PAPSS1: variants seen among roughly 807,000 people sequenced by gnomAD.
PAPSS1 encodes the protein 3'-phosphoadenosine 5'-phosphosulfate synthase 1.
PAPSS1 carries 50 observed loss-of-function variants against 72.0 expected under a neutral mutation model. That is an observed-to-expected ratio of 0.69 (90% CI 0.55 to 0.88). The LOEUF (loss-of-function observed/expected upper bound fraction) is 0.88. Ranked by LOEUF, PAPSS1 falls within the 40% of genes least tolerant of loss-of-function variation. The pLI is 0.00. For synonymous variants in PAPSS1, 261 were observed against 263.6 expected (o/e 0.99, Z 0.09); for missense variants, 657 against 782.2 (o/e 0.84, Z 1.91).
chr4:107,663,654 T>C (rs1029326679), intron 5 of PAPSS1, among the ~76,000 whole-genome samples: 3 of 152,196 alleles, frequency 2.0e-5, no homozygotes, highest in South Asian at 2.1e-4. Flanking sequence ...TGTCTTTCAA[T>C]GGACTTAACA....
intron 4 of PAPSS1, among the ~76,000 whole-genome samples, chr4:107,684,058 T>C (rs1180960508): frequency 6.6e-6 from 1 of 152,032 alleles, no homozygotes; most frequent in African/African-American, 2.4e-5. Flanking sequence ...AGTCAACAGT[T>C]GAGAAAGTAA....
intron 9 of PAPSS1, among the ~76,000 whole-genome samples, chr4:107,652,396 C>T (rs1726863587): frequency 6.6e-6 from 1 of 152,144 alleles, no homozygotes; most frequent in Non-Finnish European, 1.5e-5. Context: ...GTAAGCACAT[C>T]ATTTACCCAC....
intron 5 of PAPSS1, among the ~76,000 whole-genome samples, chr4:107,665,045 C>T (rs1026265640): frequency 7.2e-5 from 11 of 152,066 alleles, no homozygotes; most frequent in East Asian, 3.9e-4. Flanking sequence ...AATAAACATT[C>T]GAAAGGTTGC....
intron 11 of PAPSS1, 66 bp from the exon 12 acceptor site, chr4:107,614,453 T>C (rs948456279): frequency 1.4e-5 from 17 of 1,236,538 alleles, no homozygotes; most frequent in Non-Finnish European, 1.6e-5. Flanking sequence ...AAAAAGCATT[T>C]GTTCCTTCTG....
intron 4 of PAPSS1, among the ~76,000 whole-genome samples, chr4:107,683,894 A>C (rs183560796): frequency 3.8e-4 from 58 of 152,206 alleles, no homozygotes; most frequent in Middle Eastern, 3.4e-3. Context: ...AAAGCTTTTT[A>C]AAAAAATAAG....
intron 10 of PAPSS1, among the ~76,000 whole-genome samples, chr4:107,643,474 C>T (rs1256973621): frequency 2.0e-5 from 3 of 152,182 alleles, no homozygotes; most frequent in African/African-American, 7.2e-5. Context: ...AACTGTAGCT[C>T]GACCTCCCTC....
At chr4:107,626,839 T>C (rs1726113004) in intron 11 of PAPSS1, among the ~76,000 whole-genome samples, 1 of 152,198 alleles carries the variant, frequency 6.6e-6, no homozygotes, top group Non-Finnish European at 1.5e-5. Flanking sequence ...ACCATCAACT[T>C]AATTATTTTT....
intron 9 of PAPSS1, among the ~76,000 whole-genome samples, chr4:107,645,318 A>T (rs2110312118): frequency 6.6e-6 from 1 of 152,238 alleles, no homozygotes; most frequent in East Asian, 1.9e-4. Flanking sequence ...TATAACAATC[A>T]TGGATTTATA....
intron 10 of PAPSS1, among the ~76,000 whole-genome samples, chr4:107,633,769 A>G (rs1032231554): frequency 1.3e-5 from 2 of 151,964 alleles, no homozygotes; most frequent in Admixed American, 1.3e-4. Flanking sequence ...AATACAAAAA[A>G]TTAGCCGGGT....
intron 5 of PAPSS1, among the ~76,000 whole-genome samples, chr4:107,675,080 A>G (rs925738450): frequency 6.6e-5 from 10 of 152,226 alleles, no homozygotes; most frequent in Non-Finnish European, 1.5e-4. Flanking sequence ...AAGGAAAAGC[A>G]GGAAAGATCT....
At chr4:107,630,211 T>A (rs958255331) in intron 11 of PAPSS1, among the ~76,000 whole-genome samples, 1 of 152,238 alleles carries the variant, frequency 6.6e-6, no homozygotes, top group Non-Finnish European at 1.5e-5. Context: ...GAGCTTATGT[T>A]AAGAAATAAA....
chr4:107,671,727 T>C (rs975088516), intron 5 of PAPSS1, among the ~76,000 whole-genome samples: 3 of 151,926 alleles, frequency 2.0e-5, no homozygotes, highest in Non-Finnish European at 4.4e-5. Context: ...AGCATTTGCA[T>C]ACAATCTACA....
At chr4:107,619,327 A>G in intron 11 of PAPSS1, among the ~76,000 whole-genome samples, 1 of 152,166 alleles carries the variant, frequency 6.6e-6, no homozygotes, top group East Asian at 1.9e-4. Flanking sequence ...TGCATGCCAC[A>G]AGCATTTCTT....
chr4:107,649,224 G>A (rs2110314891), intron 9 of PAPSS1, among the ~76,000 whole-genome samples: 1 of 152,334 alleles, frequency 6.6e-6, no homozygotes, highest in Admixed American at 6.5e-5. Context: ...CCAGAGGATG[G>A]ACGGAGAAAA....
chr4:107,682,309 G>T (rs945685924), intron 4 of PAPSS1, among the ~76,000 whole-genome samples, 176 bp from the exon 5 acceptor site: 14 of 151,226 alleles, frequency 9.3e-5, no homozygotes, highest in Admixed American at 2.0e-4. Context: ...TTTTTTTCCT[G>T]CACTGGGGGC....
At position 107,654,724 on chromosome 4, in the gene PAPSS1, T is replaced by C; in HGVS notation, c.1072A>G (p.Thr358Ala). 6.2e-7 allele frequency: 1 copy of C among 1,613,366 alleles called. No homozygotes were observed. Among genetic ancestry groups the C allele is most frequent in the East Asian group, 2.2e-5 (1 of 44,870 alleles). ...KEERCARQWG[T>A]TCKNHPYIKM... ...ATATAGGGGTGGTTCTTGCATGTCG[T>C]TCCCCACTGTCTGGCACAGCGCTCC... The change falls in exon 8 of 12, where the codon ACG (threonine) becomes GCG (alanine). Residue 358 changes from threonine to alanine, a missense_variant. Around this residue, in one of 7 missense-constraint regions of PAPSS1, gnomAD observed 190 missense variants for 176.7 expected, o/e 1.07. Coordinates refer to ENST00000265174, the MANE Select transcript of PAPSS1 (RefSeq NM_005443.5).
intron 5 of PAPSS1, among the ~76,000 whole-genome samples, chr4:107,669,272 A>G (rs556061101): frequency 1.5e-4 from 23 of 152,368 alleles, no homozygotes; most frequent in Non-Finnish European, 3.2e-4. Context: ...AATGTCAGGT[A>G]TTCACTGGTT....
chr4:107,635,534 G>T (rs886399402), intron 10 of PAPSS1, among the ~76,000 whole-genome samples: 1 of 152,092 alleles, frequency 6.6e-6, no homozygotes, highest in Non-Finnish European at 1.5e-5. Context: ...ATAATTAAAG[G>T]AAATAGGTGG....
chr4:107,703,389 T>C (rs1402999306), intron 1 of PAPSS1, among the ~76,000 whole-genome samples: 2 of 146,912 alleles, frequency 1.4e-5, no homozygotes, highest in Non-Finnish European at 3.0e-5. Context: ...TTCATGTTTG[T>C]TGCTTGTACT....
Sources: gnomAD v4.1 joint callset for allele counts (sites outside exome capture counted in the v4.1 genomes callset) on GRCh38, gnomAD v4.1.1 for gene constraint, gnomAD v4.1.1 regional missense constraint, MANE v1.5 for transcripts, NCBI Gene and HGNC (gene_info 2026-07-23, HGNC 2026-07-21) for gene names.